FAM227B: variants seen among roughly 807,000 people sequenced by gnomAD.
The protein encoded by FAM227B is family with sequence similarity 227 member B.
FAM227B carries 88 observed loss-of-function variants against 73.8 expected under a neutral mutation model. That is an observed-to-expected ratio of 1.19 (90% CI 1.00 to 1.42). The LOEUF (loss-of-function observed/expected upper bound fraction) is 1.42, where lower values mean the gene tolerates loss of function less well. Ranked by LOEUF, FAM227B falls within the 40% of genes most tolerant of loss-of-function variation. The probability of loss-of-function intolerance (pLI) is 0.00; values close to 1 mark genes in which losing one functional copy is unlikely to be tolerated. For synonymous variants in FAM227B, 210 were observed against 190.5 expected (o/e 1.10, Z -0.84); for missense variants, 632 against 590.9 (o/e 1.07, Z -0.72).
chr15:49,592,206 C>T (rs992088388), intron 3 of FAM227B, among the ~76,000 whole-genome samples: 4 of 152,152 alleles, frequency 2.6e-5, no homozygotes, highest in Non-Finnish European at 5.9e-5. Flanking sequence ...AGCTTTGTTC[C>T]ATTGCTGGCA....
chr15:49,570,694 C>T (rs2075031506), intron 8 of FAM227B, among the ~76,000 whole-genome samples: 1 of 151,216 alleles, frequency 6.6e-6, no homozygotes, highest in Non-Finnish European at 1.5e-5. Context: ...TTTTAAATTC[C>T]ACATGTAAGT....
chr15:49,494,374 G>T (rs993564079), intron 11 of FAM227B, among the ~76,000 whole-genome samples: 3 of 151,884 alleles, frequency 2.0e-5, no homozygotes, highest in Middle Eastern at 3.4e-3. Flanking sequence ...TTTCAGTTTT[G>T]TTTTTGTTGC....
intron 14 of FAM227B, among the ~76,000 whole-genome samples, chr15:49,332,227 C>T (rs1181650489): frequency 1.3e-5 from 2 of 152,194 alleles, no homozygotes; most frequent in African/African-American, 4.8e-5. Flanking sequence ...GTGGCACATC[C>T]TCTTCAGTTA....
chr15:49,383,563 T>C (rs766939900), intron 11 of FAM227B, among the ~76,000 whole-genome samples: 5 of 152,098 alleles, frequency 3.3e-5, no homozygotes, highest in Non-Finnish European at 5.9e-5. Flanking sequence ...AAGCCTGCAA[T>C]ATCTCTGAGG....
chr15:49,499,378 A>G (rs1380569187), intron 11 of FAM227B, among the ~76,000 whole-genome samples: 1 of 152,126 alleles, frequency 6.6e-6, no homozygotes, highest in African/African-American at 2.4e-5. Context: ...TAAAAACTAG[A>G]AAACATTGCT....
chr15:49,409,222 C>A (rs1212865817), intron 11 of FAM227B, among the ~76,000 whole-genome samples: 2 of 152,034 alleles, frequency 1.3e-5, no homozygotes, highest in Non-Finnish European at 2.9e-5. Context: ...CTGACCATGT[C>A]AACAAGCATA....
At chr15:49,425,461 G>A (rs1290946451) in intron 11 of FAM227B, 1 of 151,900 alleles carries the variant, frequency 6.6e-6, no homozygotes, top group Non-Finnish European at 1.5e-5. Context: ...GTACATTAAG[G>A]ATTTAAAATA....
chr15:49,526,368 T>A (rs980214106), intron 10 of FAM227B, among the ~76,000 whole-genome samples: 1 of 152,020 alleles, frequency 6.6e-6, no homozygotes, highest in African/African-American at 2.4e-5. Flanking sequence ...AGACACATAA[T>A]ATACCAAAAC....
Position 49,523,111 on chromosome 15 carries a change from T to A in FAM227B, c.875-14763A>T, listed in dbSNP as rs370676207. 2.6e-5 allele frequency among the ~76,000 whole-genome samples: 4 copies of A among 152,270 alleles called. No homozygotes were observed. In the East Asian group the frequency reaches 7.7e-4, roughly 29 times the overall value. On this transcript the variant is annotated intron_variant, in intron 10 of 15. Transcript: ENST00000299338. The stretch of plus-strand genomic sequence containing the variant: ...CAAATCAGCTATAAAGAAAATCTCA[T>A]CAGACTAACAGCAGACTTCTAAGCA...
chr15:49,472,953 T>G (rs1183627824), intron 11 of FAM227B, among the ~76,000 whole-genome samples: 1 of 152,180 alleles, frequency 6.6e-6, no homozygotes, highest in Non-Finnish European at 1.5e-5. Context: ...ATTTGTGATT[T>G]ATTCCATGCC....
At chr15:49,388,371 TAA>T (rs1241829983) in intron 11 of FAM227B, among the ~76,000 whole-genome samples, 1 of 151,418 alleles carries the variant, frequency 6.6e-6, no homozygotes, top group African/African-American at 2.4e-5. Flanking sequence ...CACAAAAATA[TAA>T]GTTAGGGAAT....
At chr15:49,550,679 C>T (rs146035621) in intron 9 of FAM227B, among the ~76,000 whole-genome samples, 49,179 of 149,492 alleles carry the variant, frequency 0.33, 8,788 homozygotes, top group African/African-American at 0.46. Flanking sequence ...ACATCTCAGA[C>T]GATGGGCGGC....
In FAM227B at chr15:49,328,308, A is replaced by C. The variant is rs2037882937; in HGVS notation, c.*260T>G. On this transcript the variant is annotated 3_prime_UTR_variant, in exon 16 of 16. Transcript: ENST00000299338. ...GATATATTTTCAAAGAAATGGTTGAAAGCTCTCTATGCTTCATAATGATTC... is the reference window on the plus strand; with the variant it reads ...GATATATTTTCAAAGAAATGGTTGACAGCTCTCTATGCTTCATAATGATTC... 3 of 1,436,400 alleles carry C rather than the reference A, an allele frequency of 2.1e-6. No individual in the cohort carries two copies. The highest frequency in any genetic ancestry group is 1.5e-5 in the South Asian group (1 of 64,866). The allele number at this position is 1,436,400 out of a possible 1,614,324, so 89.0% of individuals were successfully genotyped here.
Position 49,461,571 on chromosome 15 carries a change from C to T in FAM227B, c.1012+46640G>A, listed in dbSNP as rs548777226. Among the ~76,000 whole-genome samples, 9 of 152,318 alleles carry T rather than the reference C, an allele frequency of 5.9e-5. No individual in the cohort carries two copies. The South Asian group carries it at 1.9e-3, about 32-fold the overall frequency. On this transcript the variant is annotated intron_variant, in intron 11 of 15. Transcript: ENST00000299338. ...ATCTCTTTGAAAGAGCCACGTACTT[C>T]TGTTTAATTTAGGCATATGAAGTTA...
chr15:49,342,993 C>T (rs2040961958), intron 13 of FAM227B, among the ~76,000 whole-genome samples: 1 of 152,048 alleles, frequency 6.6e-6, no homozygotes. Flanking sequence ...TGAGTATATG[C>T]CTTGGTGATG....
chr15:49,490,073 AAAC>A lies in FAM227B; in HGVS notation c.1012+18135_1012+18137del, dbSNP rs556217184. Reference sequence around the variant, plus strand: ...AGTTGAGAACTAATTAGGTAAATGAAAACAACAACAAAAACCAAAAAACCTCTT... The same window carrying A: ...AGTTGAGAACTAATTAGGTAAATGAAAACAACAAAAACCAAAAAACCTCTT... On this transcript the variant is annotated intron_variant, in intron 11 of 15. Transcript: ENST00000299338. 8.7e-4 allele frequency among the ~76,000 whole-genome samples: 131 copies of A among 150,690 alleles called. 5 individuals carry two copies. The South Asian group carries it at 0.026, about 30-fold the overall frequency.
At chr15:49,371,425 T>A in intron 11 of FAM227B, 26 bp from the exon 12 acceptor site, 2 of 1,385,422 alleles carry the variant, frequency 1.4e-6, no homozygotes, top group Admixed American at 2.0e-5. Flanking sequence ...AAATACTTTT[T>A]AAAATTCTGG....
chr15:49,464,887 A>G (rs564043046), intron 11 of FAM227B, among the ~76,000 whole-genome samples: 2 of 152,332 alleles, frequency 1.3e-5, no homozygotes, highest in African/African-American at 2.4e-5. Flanking sequence ...GAATAAATGA[A>G]TAACGTAAGA....
At chr15:49,396,386 A>T (rs1341043207) in intron 11 of FAM227B, 2 of 228,684 alleles carry the variant, frequency 8.7e-6, no homozygotes, top group Non-Finnish European at 9.0e-6. Context: ...CAGCAGTCTG[A>T]GATCAAACTG....
Sources: gnomAD v4.1 joint callset for allele counts (sites outside exome capture counted in the v4.1 genomes callset) on GRCh38, gnomAD v4.1.1 for gene constraint, MANE v1.5 for transcripts, NCBI Gene and HGNC (gene_info 2026-07-23, HGNC 2026-07-21) for gene names.